The following DGLUCY variants were observed in gnomAD, a reference collection of about 807,000 sequenced individuals.
DGLUCY encodes the protein D-glutamate cyclase, mitochondrial.
In DGLUCY, 58 loss-of-function variants were observed where a neutral mutation model predicts 58.5. The observed-to-expected ratio is 0.99, with a 90% CI of 0.80 to 1.23. The LOEUF is 1.23. DGLUCY is among the 50% of genes most tolerant of loss of function. The probability of loss-of-function intolerance (pLI) is 0.00; values close to 1 mark genes in which losing one functional copy is unlikely to be tolerated. For missense variants in DGLUCY, 779 were observed against 784.7 expected (o/e 0.99, Z 0.09); for synonymous variants, 325 against 314.1 (o/e 1.03, Z -0.37).
chr14:91,112,468 C>T (rs2044721532), upstream of DGLUCY, among the ~76,000 whole-genome samples: 1 of 152,124 alleles, frequency 6.6e-6, no homozygotes, highest in Non-Finnish European at 1.5e-5. Flanking sequence ...TCATTATGGA[C>T]CTTCGCAGAG....
chr14:91,205,734 T>C (rs1243326233), intron 12 of DGLUCY, among the ~76,000 whole-genome samples: 1 of 150,956 alleles, frequency 6.6e-6, no homozygotes, highest in African/African-American at 2.4e-5. Context: ...ATGAGTCATT[T>C]TCAAGTAGGC....
chr14:91,128,309 C>CAAA (rs34796763), intron 1 of DGLUCY, among the ~76,000 whole-genome samples: 1 of 102,932 alleles, frequency 9.7e-6, no homozygotes, highest in African/African-American at 4.0e-5. Context: ...CCCATCTCTA[C>CAAA]AAAAAAAAAA....
intron 13 of DGLUCY, among the ~76,000 whole-genome samples, chr14:91,216,714 TTCTCCCTGAGGAC>T (rs1886577464): frequency 6.6e-6 from 1 of 151,796 alleles, no homozygotes; most frequent in African/African-American, 2.4e-5. Context: ...CACTGTGACT[TTCTCCCTGAGGAC>T]TCTCCCTGAG....
intron 11 of DGLUCY, 56 bp downstream of exon 11, chr14:91,199,961 G>C: frequency 6.3e-7 from 1 of 1,576,566 alleles, no homozygotes; most frequent in Non-Finnish European, 8.7e-7. Flanking sequence ...AGTGTCTTTT[G>C]TTGTTGTTGT....
intron 1 of DGLUCY, among the ~76,000 whole-genome samples, chr14:91,126,119 G>A (rs981073894): frequency 6.6e-6 from 1 of 152,152 alleles, no homozygotes; most frequent in Non-Finnish European, 1.5e-5. Flanking sequence ...TGCTGGGCAC[G>A]TAATGGTTTC....
exon 1 of DGLUCY, chr14:91,060,532 C>A: frequency 8.2e-7 from 1 of 1,221,792 alleles, no homozygotes; most frequent in South Asian, 3.6e-5. Context: ...CCCCAGGAGT[C>A]GGGGTGCGGC....
At chr14:91,163,686 G>A (rs117660668) in intron 3 of DGLUCY, among the ~76,000 whole-genome samples, 4,306 of 152,218 alleles carry the variant, frequency 0.028, 77 homozygotes, top group South Asian at 0.036. Flanking sequence ...GCAAGCTCGC[G>A]GGCACCCCTT....
At chr14:91,165,060 C>G (rs564244881) in intron 3 of DGLUCY, among the ~76,000 whole-genome samples, 30 of 152,336 alleles carry the variant, frequency 2.0e-4, no homozygotes, top group Admixed American at 1.6e-3. Context: ...TTACAAGACA[C>G]AGTCCTTTCC....
chr14:91,143,175 A>G (rs1026316237), intron 1 of DGLUCY, among the ~76,000 whole-genome samples: 2 of 151,336 alleles, frequency 1.3e-5, no homozygotes, highest in African/African-American at 4.9e-5. Flanking sequence ...GGCTCACTGC[A>G]AGCTCTGCCT....
intron 1 of DGLUCY, among the ~76,000 whole-genome samples, chr14:91,064,426 C>A (rs968552788): frequency 6.6e-6 from 1 of 151,858 alleles, no homozygotes; most frequent in African/African-American, 2.4e-5. Context: ...AATTCAAGAC[C>A]AGCCTGGTCA....
At chr14:91,072,040 C>T (rs2043929949) in intron 1 of DGLUCY, among the ~76,000 whole-genome samples, 1 of 151,348 alleles carries the variant, frequency 6.6e-6, no homozygotes, top group Non-Finnish European at 1.5e-5. Context: ...AAATGAACTC[C>T]AGCCAGGCGT....
At chr14:91,119,718 T>A (rs1263537436) in intron 1 of DGLUCY, among the ~76,000 whole-genome samples, 1 of 152,100 alleles carries the variant, frequency 6.6e-6, no homozygotes, top group African/African-American at 2.4e-5. Context: ...AAAAGGAGAT[T>A]AACATTTGAG....
chr14:91,070,069 G>C (rs1234276982), intron 1 of DGLUCY, among the ~76,000 whole-genome samples: 1 of 152,186 alleles, frequency 6.6e-6, no homozygotes, highest in African/African-American at 2.4e-5. Flanking sequence ...AATTGTGGAA[G>C]TGGTACTCAA....
At chr14:91,183,128 A>C (rs1016521615) in intron 8 of DGLUCY, among the ~76,000 whole-genome samples, 4 of 152,012 alleles carry the variant, frequency 2.6e-5, no homozygotes, top group African/African-American at 9.7e-5. Flanking sequence ...AGTAGCTGAG[A>C]CTACAGGCCG....
At chr14:91,116,682 A>C (rs113308389) in intron 1 of DGLUCY, among the ~76,000 whole-genome samples, 3,692 of 152,292 alleles carry the variant, frequency 0.024, 64 homozygotes, top group South Asian at 0.041. Context: ...GTGGTGGCTC[A>C]TGCCTGAAAT....
chr14:91,144,150 G>C (rs2046887177), intron 1 of DGLUCY, among the ~76,000 whole-genome samples: 1 of 152,210 alleles, frequency 6.6e-6, no homozygotes, highest in Non-Finnish European at 1.5e-5. Flanking sequence ...TCAGCCCAGA[G>C]CCTGGTACTT....
chr14:91,138,510 A>G (rs2140239566), intron 1 of DGLUCY, among the ~76,000 whole-genome samples: 1 of 152,270 alleles, frequency 6.6e-6, no homozygotes, highest in African/African-American at 2.4e-5. Flanking sequence ...AAAAAGAAAA[A>G]AAGAAATATT....
chr14:91,162,631 G>A (rs557373820), intron 3 of DGLUCY, among the ~76,000 whole-genome samples: 37 of 152,066 alleles, frequency 2.4e-4, no homozygotes, highest in Non-Finnish European at 5.0e-4. Context: ...GCACGGTGGC[G>A]CACGCCTGTA....
At chr14:91,062,268 C>G (rs928779737) in intron 1 of DGLUCY, among the ~76,000 whole-genome samples, 1 of 151,746 alleles carries the variant, frequency 6.6e-6, no homozygotes, top group South Asian at 2.1e-4. Context: ...AAAAACAGGT[C>G]AGGCGCAGTG....
Sources: allele counts gnomAD v4.1 joint callset (sites outside exome capture counted in the v4.1 genomes callset), GRCh38; gene constraint gnomAD v4.1.1; transcripts MANE v1.5; gene names NCBI Gene and HGNC (gene_info 2026-07-23, HGNC 2026-07-21).